LRPPRC: variants seen among roughly 807,000 people sequenced by gnomAD.
The protein encoded by LRPPRC is leucine-rich PPR motif-containing protein, mitochondrial.
Under a neutral mutation model 180.3 loss-of-function variants are expected in LRPPRC, and 120 were observed. The observed-to-expected ratio is 0.67, with a 90% confidence interval of 0.57 to 0.77. The LOEUF (loss-of-function observed/expected upper bound fraction) is 0.77. Among genes scored for constraint, LRPPRC ranks in the 30% least tolerant of loss-of-function variants. The pLI, the probability that LRPPRC is intolerant of heterozygous loss-of-function variation, is 0.00. For missense variants in LRPPRC, 2,012 were observed against 1,657.2 expected (o/e 1.21, Z -3.72); for synonymous variants, 723 against 600.0 (o/e 1.21, Z -3.00).
Position 43,934,249 on chromosome 2 carries a change from C to T in LRPPRC, c.2677G>A (p.Asp893Asn). 1 of 1,612,006 alleles carries T rather than the reference C, an allele frequency of 6.2e-7. No individual in the cohort carries two copies. Among genetic ancestry groups the T allele is most frequent in the Non-Finnish European group, 8.5e-7 (1 of 1,178,636 alleles). ...GTTTGTAGGAAGGCAAAGAAGAGAT[C>T]ATAGAGCATCACCATTTCACCTTGT... ...QEQGEMVMLYDLFFAFLQTGN... is the reference protein window; with the variant it reads ...QEQGEMVMLYNLFFAFLQTGN... Residue 893 changes from aspartate (D) to asparagine (N), a missense_variant, in exon 25 of 38, where the codon GAT (aspartate) becomes AAT (asparagine). By Grantham distance (23) the Asp-to-Asn change is conservative (BLOSUM62 1). Transcript: ENST00000260665.
chr2:43,986,492 T>C (rs909935284), intron 1 of LRPPRC, among the ~76,000 whole-genome samples: 2 of 152,156 alleles, frequency 1.3e-5, no homozygotes, highest in African/African-American at 2.4e-5. Context: ...TATGAATCAG[T>C]TTAGTGTCAC....
intron 1 of LRPPRC, among the ~76,000 whole-genome samples, chr2:43,985,497 C>T (rs1249764334): frequency 5.3e-5 from 8 of 152,148 alleles, no homozygotes; most frequent in Admixed American, 2.6e-4. Context: ...ATTCCTTCCA[C>T]CCTCCTTCCG....
At chr2:43,954,582 T>G (rs1430069449) in intron 14 of LRPPRC, among the ~76,000 whole-genome samples, 1 of 152,200 alleles carries the variant, frequency 6.6e-6, no homozygotes, top group Non-Finnish European at 1.5e-5. Flanking sequence ...AAAGAATACA[T>G]ACACTCTTGA....
At chr2:43,931,634 G>A (rs1334282490) in intron 25 of LRPPRC, among the ~76,000 whole-genome samples, 3 of 152,134 alleles carry the variant, frequency 2.0e-5, no homozygotes, top group Non-Finnish European at 2.9e-5. Flanking sequence ...AATGGTGGTG[G>A]ATTTTTATGA....
chr2:43,976,584 C>A (rs1052867735), intron 5 of LRPPRC, among the ~76,000 whole-genome samples: 2 of 151,912 alleles, frequency 1.3e-5, no homozygotes, highest in Admixed American at 6.6e-5. Context: ...TCCAAACCTT[C>A]CATTCATAAG....
intron 14 of LRPPRC, among the ~76,000 whole-genome samples, chr2:43,955,214 T>C (rs544809918): frequency 2.0e-5 from 3 of 152,152 alleles, no homozygotes; most frequent in African/African-American, 7.2e-5. Context: ...ACACCTGCAA[T>C]ACCAGCACCT....
At chr2:43,910,495 A>G (rs1671218016) in intron 30 of LRPPRC, among the ~76,000 whole-genome samples, 1 of 152,166 alleles carries the variant, frequency 6.6e-6, no homozygotes, top group Admixed American at 6.5e-5. Context: ...TTGGCCTCCG[A>G]AAGTGTTGGG....
chr2:43,948,369 G>T, intron 17 of LRPPRC, 43 bp downstream of exon 17: 1 of 1,193,514 alleles, frequency 8.4e-7, no homozygotes, highest in Non-Finnish European at 1.3e-6. Context: ...ATAGATACAT[G>T]TCAGGCAGGA....
At chr2:43,990,170 G>A (rs975471192) in intron 1 of LRPPRC, among the ~76,000 whole-genome samples, 4 of 152,086 alleles carry the variant, frequency 2.6e-5, no homozygotes, top group Non-Finnish European at 5.9e-5. Flanking sequence ...AGTGAGCCGA[G>A]ATGGCCCCGT....
chr2:43,942,652 C>A (rs138541694), intron 23 of LRPPRC, among the ~76,000 whole-genome samples: 99 of 151,962 alleles, frequency 6.5e-4, no homozygotes, highest in African/African-American at 2.2e-3. Flanking sequence ...TAATTAAACT[C>A]TCTAATAAAT....
At chr2:43,921,755 T>C (rs1671708435) in intron 27 of LRPPRC, among the ~76,000 whole-genome samples, 4 of 152,192 alleles carry the variant, frequency 2.6e-5, no homozygotes, top group South Asian at 4.1e-4. Context: ...TCCATTTCAC[T>C]TGTGTAATAA....
chr2:43,920,585 C>T (rs778843674), intron 27 of LRPPRC, among the ~76,000 whole-genome samples: 52 of 152,000 alleles, frequency 3.4e-4, no homozygotes, highest in Non-Finnish European at 6.2e-4. Flanking sequence ...CAAAACAAGA[C>T]TCTCATTAAC....
intron 23 of LRPPRC, among the ~76,000 whole-genome samples, chr2:43,939,211 G>A (rs1672385572): frequency 6.6e-6 from 1 of 151,968 alleles, no homozygotes; most frequent in Admixed American, 6.6e-5. Flanking sequence ...AACCCAGGAG[G>A]CGGAGCTTGC....
At chr2:43,995,996 A>G, upstream of LRPPRC, 2 of 1,517,792 alleles carry the variant, frequency 1.3e-6, no homozygotes, top group East Asian at 2.6e-5. Context: ...GAAGGACAGG[A>G]GGAGCATGTG....
intron 23 of LRPPRC, among the ~76,000 whole-genome samples, chr2:43,935,508 CT>C (rs1327700253): frequency 2.0e-5 from 3 of 152,122 alleles, no homozygotes; most frequent in African/African-American, 7.2e-5. Flanking sequence ...ATTCTAAATA[CT>C]TTTTTCATTA....
intron 1 of LRPPRC, among the ~76,000 whole-genome samples, chr2:43,985,439 T>A (rs1277294048): frequency 6.6e-6 from 1 of 152,164 alleles, no homozygotes; most frequent in Non-Finnish European, 1.5e-5. Flanking sequence ...TACAGTATCA[T>A]ACAAAATAAT....
chr2:43,984,991 T>C (rs7420028), intron 1 of LRPPRC, among the ~76,000 whole-genome samples: 31,000 of 151,398 alleles, frequency 0.2, 3,948 homozygotes, highest in African/African-American at 0.35. Context: ...TCAGTTTTTT[T>C]AAAAAAATTA....
Position 43,977,245 on chromosome 2 carries a change from A to T in LRPPRC, c.501T>A (p.Ala167=), listed in dbSNP as rs1310845266. The T allele has an allele frequency of 1.2e-6, 2 of 1,600,616 alleles. No homozygotes were observed. The highest frequency in any genetic ancestry group is 1.7e-6 in the Non-Finnish European group (2 of 1,167,902). The stretch of plus-strand genomic sequence containing the variant: ...CATTTTGAAGATAGACTTTAAGTAA[A>T]GCATTATAGTGACTCACATCATACA... ...GAVYDVSHYN[A]LLKVYLQNEY... The change falls in exon 4 of 38, where the codon GCT becomes GCA. Residue 167 remains alanine (A), a synonymous_variant. Coordinates refer to ENST00000260665, the MANE Select transcript of LRPPRC (RefSeq NM_133259.4).
rs756633370 is a variant in LRPPRC at position 43,925,148 on chromosome 2, G to A, written c.2815C>T (p.Leu939=). 6.4e-7 allele frequency: 1 copy of A among 1,567,072 alleles called. No homozygotes were observed. Among genetic ancestry groups the A allele is most frequent in the Non-Finnish European group, 8.8e-7 (1 of 1,137,252 alleles). Residue 939 remains leucine (L), a synonymous_variant, in exon 27 of 38, where the codon CTG becomes TTG. Coordinates refer to ENST00000260665, the MANE Select transcript of LRPPRC (RefSeq NM_133259.4). ...RCVANNQVET[L]EKLVELTQKL... ...TGTGTCAGCTCCACTAATTTTTCCAGAGTTTCAACCTTAAAAGTAAGATTA... is the reference window on the plus strand; with the variant it reads ...TGTGTCAGCTCCACTAATTTTTCCAAAGTTTCAACCTTAAAAGTAAGATTA...
Sources: gnomAD v4.1 joint callset for allele counts (sites outside exome capture counted in the v4.1 genomes callset) on GRCh38, gnomAD v4.1.1 for gene constraint, MANE v1.5 for transcripts, NCBI Gene and HGNC (gene_info 2026-07-23, HGNC 2026-07-21) for gene names.